ROBO1: variants seen among roughly 807,000 people sequenced by gnomAD.
The protein encoded by ROBO1 is roundabout guidance receptor 1.
Under a neutral mutation model 195.9 loss-of-function variants are expected in ROBO1, and 149 were observed. That is an observed-to-expected ratio of 0.76 (90% CI 0.67 to 0.87). ROBO1 has a LOEUF of 0.87. ROBO1 is among the 40% of genes least tolerant of loss of function. ROBO1 has a pLI of 0.00. For synonymous variants in ROBO1, 816 were observed against 733.2 expected (o/e 1.11, Z -1.82); for missense variants, 1,933 against 2,068.3 (o/e 0.93, Z 1.27).
chr3:78,678,087 C>T (rs562621245), intron 10 of ROBO1, among the ~76,000 whole-genome samples: 32 of 152,218 alleles, frequency 2.1e-4, no homozygotes, highest in Middle Eastern at 6.8e-3. Context: ...GGGTGCATAA[C>T]GAAATGAAGG....
chr3:79,590,879 A>G (rs1257937833), intron 1 of ROBO1, among the ~76,000 whole-genome samples: 1 of 151,736 alleles, frequency 6.6e-6, no homozygotes, highest in Non-Finnish European at 1.5e-5. Flanking sequence ...TGACATATTT[A>G]GGCTATTATA....
chr3:79,698,908 G>A (rs1278483821), intron 1 of ROBO1, among the ~76,000 whole-genome samples: 2 of 150,842 alleles, frequency 1.3e-5, no homozygotes, highest in African/African-American at 4.9e-5. Flanking sequence ...TAAAATAATA[G>A]TTTTTTTTGA....
rs375078607 is a variant in ROBO1, at chr3:78,668,253, G to A, written c.1680C>T (p.Ile560=). The change falls in exon 13 of 31, where the codon ATC becomes ATT. Residue 560 remains isoleucine (I), a synonymous_variant. Coordinates refer to ENST00000464233, the MANE Select transcript of ROBO1 (RefSeq NM_002941.4). ...QPPRPTDPNL[I]PSAPSKPEVT... is the part of the protein sequence containing the mutation. ...CTTCAGGTTTTGATGGGGCACTAGG[G>A]ATTAAATTTGGGTCAGTAGGTCTTG... The A allele has an allele frequency of 3.1e-6, 5 of 1,613,722 alleles. No homozygotes were observed. The highest frequency in any genetic ancestry group is 1.7e-6 in the Non-Finnish European group (2 of 1,179,812).
chr3:79,334,330 A>G lies in ROBO1; in HGVS notation c.89-208791T>C, dbSNP rs561596237. Among the ~76,000 whole-genome samples the G allele has an allele frequency of 4.0e-3, 573 of 144,732 alleles. 3 individuals carry two copies. Among genetic ancestry groups the G allele is most frequent in the African/African-American group, 0.014 (536 of 39,416 alleles). 94.9% of individuals were successfully genotyped at this position (144,732 alleles called of 152,430 possible). A position where few individuals can be genotyped will look rare whatever the true frequency, so the allele number is the denominator to read the frequency against. On this transcript the variant is annotated intron_variant, in intron 2 of 30. Coordinates refer to ENST00000464233, the MANE Select transcript of ROBO1 (RefSeq NM_002941.4). ...AAAAAAAATATATATATATATATATATGTGTATATATATGTATATATGTAT... is the reference window on the plus strand; with the variant it reads ...AAAAAAAATATATATATATATATATGTGTGTATATATATGTATATATGTAT...
Position 78,614,630 on chromosome 3 carries a change from C to T in ROBO1, c.4435+18G>A, listed in dbSNP as rs1365910343. 6.2e-7 allele frequency: 1 copy of T among 1,611,980 alleles called. No individual in the cohort carries two copies. Among genetic ancestry groups the T allele is most frequent in the East Asian group, 2.2e-5 (1 of 44,820 alleles). On this transcript the variant is annotated intron_variant, in intron 28 of 30. Transcript: ENST00000464233. Reference sequence around the variant, plus strand: ...AGGCGAGATTCATAGACGTTTTCATCCGTGTCAATGGACTCACCATCTGTG... The same window carrying T: ...AGGCGAGATTCATAGACGTTTTCATTCGTGTCAATGGACTCACCATCTGTG...
chr3:79,116,286 TTC>T (rs1177550145), intron 3 of ROBO1, among the ~76,000 whole-genome samples: 4 of 151,660 alleles, frequency 2.6e-5, no homozygotes, highest in Admixed American at 1.3e-4. Context: ...TTTCTTTTCT[TTC>T]TTTCTCTTTC....
At chr3:79,191,215 T>C (rs1427444551) in intron 2 of ROBO1, among the ~76,000 whole-genome samples, 1 of 151,592 alleles carries the variant, frequency 6.6e-6, no homozygotes, top group Admixed American at 6.6e-5. Flanking sequence ...ACTCATTTTT[T>C]CTAAAGTTTT....
intron 2 of ROBO1, among the ~76,000 whole-genome samples, chr3:79,461,447 G>T (rs547494677): frequency 1.2e-4 from 19 of 152,086 alleles, no homozygotes; most frequent in Non-Finnish European, 2.5e-4. Context: ...AAGAAGGAGA[G>T]GGGCACAGCT....
At chr3:79,486,185 CT>C (rs370026806) in intron 2 of ROBO1, among the ~76,000 whole-genome samples, 271 of 151,564 alleles carry the variant, frequency 1.8e-3, no homozygotes, top group African/African-American at 5.4e-3. Context: ...AAAGTATTGT[CT>C]TTTTTTTAAG....
chr3:78,633,856 C>A, intron 24 of ROBO1, 79 bp downstream of exon 24: 1 of 860,034 alleles, frequency 1.2e-6, no homozygotes, highest in South Asian at 1.7e-5. Flanking sequence ...CTACATACGT[C>A]AGTCCATTAG....
At chr3:78,770,348 G>A (rs1354723480) in intron 4 of ROBO1, among the ~76,000 whole-genome samples, 2 of 152,084 alleles carry the variant, frequency 1.3e-5, no homozygotes, top group African/African-American at 4.8e-5. Context: ...ATCTCATTGT[G>A]GTTTTGATTG....
intron 2 of ROBO1, among the ~76,000 whole-genome samples, chr3:79,488,959 G>C (rs1490776195): frequency 6.6e-6 from 1 of 151,986 alleles, no homozygotes; most frequent in Non-Finnish European, 1.5e-5. Flanking sequence ...AGTCAGAACT[G>C]ATTCTCCCCT....
chr3:79,117,765 T>C lies in ROBO1; in HGVS notation c.172+7691A>G, dbSNP rs2080034772. On this transcript the variant is annotated intron_variant, in intron 3 of 30. Coordinates refer to ENST00000464233, the MANE Select transcript of ROBO1 (RefSeq NM_002941.4). ...CACATACGTACTTTTCACTTAGCCC[T>C]CCAAATATTAACTTTTTGAAATAAA... 3.3e-5 allele frequency among the ~76,000 whole-genome samples: 5 copies of C among 152,292 alleles called. No individual in the cohort carries two copies. The South Asian group carries it at 8.3e-4, about 25-fold the overall frequency.
chr3:79,013,364 T>A lies in ROBO1; in HGVS notation c.173-74437A>T, dbSNP rs538625805. 3.9e-5 allele frequency among the ~76,000 whole-genome samples: 6 copies of A among 152,316 alleles called. No homozygotes were observed. The South Asian group carries it at 1.2e-3, about 32-fold the overall frequency. On this transcript the variant is annotated intron_variant, in intron 3 of 30. Transcript: ENST00000464233. ...CACATTCAGTCTCCTCTTTTAAGCA[T>A]GCCAGAAAATGCAGATATAATCAAG...
chr3:79,675,234 G>GT (rs11310832), intron 1 of ROBO1, among the ~76,000 whole-genome samples: 2 of 151,478 alleles, frequency 1.3e-5, no homozygotes, highest in African/African-American at 2.4e-5. Flanking sequence ...AATTGATTGT[G>GT]TTTTTTTTAT....
intron 1 of ROBO1, among the ~76,000 whole-genome samples, chr3:79,592,088 T>C (rs1374832072): frequency 6.6e-6 from 1 of 152,002 alleles, no homozygotes; most frequent in Non-Finnish European, 1.5e-5. Context: ...AGTACATTAA[T>C]TGAAAATGAG....
intron 2 of ROBO1, among the ~76,000 whole-genome samples, chr3:79,266,211 G>T (rs902842410): frequency 1.3e-5 from 2 of 151,512 alleles, no homozygotes; most frequent in African/African-American, 4.8e-5. Flanking sequence ...GATTTAAGTT[G>T]CATGTCAGTC....
At chr3:78,860,326 A>ATTTT (rs1553750391) in intron 4 of ROBO1, among the ~76,000 whole-genome samples, 2,800 of 93,518 alleles carry the variant, frequency 0.03, 201 homozygotes, top group African/African-American at 0.11. Flanking sequence ...ATATATATAT[A>ATTTT]TTTTTTTTTT....
At chr3:79,575,164 A>AATATTTATAAATATATATAAC (rs1943416030) in intron 2 of ROBO1, among the ~76,000 whole-genome samples, 1 of 96,892 alleles carries the variant, frequency 1.0e-5, no homozygotes, top group Non-Finnish European at 1.9e-5. Context: ...ATATATAACA[A>AATATTTATAAATATATATAAC]ATATATATAA....
Sources: gnomAD v4.1 joint callset for allele counts (sites outside exome capture counted in the v4.1 genomes callset) on GRCh38, gnomAD v4.1.1 for gene constraint, MANE v1.5 for transcripts, NCBI Gene and HGNC (gene_info 2026-07-23, HGNC 2026-07-21) for gene names.